Variants in HIGD1B observed in about 807,000 individuals in gnomAD.
HIGD1B encodes HIG1 domain family member 1B.
In HIGD1B, 9 loss-of-function variants were observed where a neutral mutation model predicts 8.8. The ratio of observed to expected loss-of-function variants is 1.02; its 90% CI spans 0.62 to 1.78. The LOEUF (loss-of-function observed/expected upper bound fraction) is 1.78. Among genes scored for constraint, HIGD1B ranks in the 40% most tolerant of loss-of-function variants. The pLI, the probability that HIGD1B is intolerant of heterozygous loss-of-function variation, is 0.00. For missense variants in HIGD1B, 126 were observed against 111.8 expected (o/e 1.13, Z -0.57); for synonymous variants, 47 against 38.8 (o/e 1.21, Z -0.78).
chr17:44,846,289 A>T (rs1306034662), upstream of HIGD1B: 2 of 152,462 alleles, frequency 1.3e-5, no homozygotes, highest in East Asian at 3.9e-4. Flanking sequence ...CCCTGACTTC[A>T]AAGTTTTCAT....
chr17:44,849,396 G>C lies in HIGD1B; in HGVS notation c.235+8G>C. The C allele has an allele frequency of 6.2e-7, 1 of 1,613,826 alleles. No homozygotes were observed. The highest frequency in any genetic ancestry group is 8.5e-7 in the Non-Finnish European group (1 of 1,179,824). On this transcript the variant is annotated splice_region_variant and intron_variant, in intron 2 of 2. Transcript: ENST00000253410. ...TGGGTGCAATCATGCTAGGTGAGTA[G>C]CTTTGTGGGGTCGCAGAATGAGGGC... is the stretch of plus-strand genomic sequence containing the variant.
At chr17:44,849,224 T>C in intron 1 of HIGD1B, 30 bp from the exon 2 acceptor site, 1 of 1,611,918 alleles carries the variant, frequency 6.2e-7, no homozygotes, top group Non-Finnish European at 8.5e-7. Context: ...ATTGTGGCTG[T>C]GGCCCAGGGG....
upstream of HIGD1B, among the ~76,000 whole-genome samples, chr17:44,845,277 A>G (rs192040029): frequency 2.5e-4 from 37 of 150,656 alleles, no homozygotes; most frequent in East Asian, 7.2e-3. Context: ...AAAAAAAAAG[A>G]AAGAAATATA....
upstream of HIGD1B, among the ~76,000 whole-genome samples, chr17:44,845,506 C>T (rs953603795): frequency 1.3e-5 from 2 of 151,888 alleles, no homozygotes; most frequent in Admixed American, 1.3e-4. Flanking sequence ...GGTATGTGCC[C>T]GTGGTCCCAG....
At chr17:44,848,833 T>A (rs925773237) in intron 1 of HIGD1B, among the ~76,000 whole-genome samples, 1 of 152,056 alleles carries the variant, frequency 6.6e-6, no homozygotes, top group African/African-American at 2.4e-5. Flanking sequence ...TGGAGTGCAA[T>A]GGCACAGTCT....
chr17:44,849,201 G>A lies in HIGD1B; in HGVS notation c.101-53G>A, dbSNP rs375415680. On this transcript the variant is annotated intron_variant, in intron 1 of 2. Transcript: ENST00000253410. ...TGCCTGGTAAGGTATCTCTCATCAG[G>A]GGAGTGCTGTGCATTGTGGCTGTGG... The A allele has an allele frequency of 1.7e-5, 27 of 1,604,228 alleles. No individual in the cohort carries two copies. In the East Asian group the frequency reaches 5.1e-4, roughly 31 times the overall value.
chr17:44,849,758 CAAAAAAAA>C lies in HIGD1B; in HGVS notation c.235+387_235+394del, dbSNP rs61617877. 9.5e-5 allele frequency among the ~76,000 whole-genome samples: 5 copies of C among 52,554 alleles called. No homozygotes were observed. The South Asian group carries it at 4.0e-3, about 42-fold the overall frequency. 34.5% of individuals were successfully genotyped at this position (52,554 alleles called of 152,430 possible). On this transcript the variant is annotated intron_variant, in intron 2 of 2. Transcript: ENST00000253410. Reference sequence around the variant, plus strand: ...CGGGTGACAGAGTGAGACTCTGTCTCAAAAAAAAAAAAAAAAAAAAAAAAGGACTGTGA... The same window carrying C: ...CGGGTGACAGAGTGAGACTCTGTCTCAAAAAAAAAAAAAAAAGGACTGTGA...
intron 1 of HIGD1B, among the ~76,000 whole-genome samples, chr17:44,848,681 A>C (rs143745487): frequency 3.6e-5 from 2 of 54,926 alleles, no homozygotes; most frequent in African/African-American, 5.2e-5. Context: ...GGGGAGGGGC[A>C]TCACTGGTGG....
At chr17:44,847,496 C>A (rs2050335670), upstream of HIGD1B, among the ~76,000 whole-genome samples, 1 of 152,216 alleles carries the variant, frequency 6.6e-6, no homozygotes, top group African/African-American at 2.4e-5. Context: ...ATGAAGGTAG[C>A]CAGTTGGTAA....
At chr17:44,849,056 G>GT in intron 1 of HIGD1B, 198 bp from the exon 2 acceptor site, 1 of 553,196 alleles carries the variant, frequency 1.8e-6, no homozygotes, top group South Asian at 2.4e-5. Flanking sequence ...GATTACAGGC[G>GT]TGAGCCACCA....
Position 44,849,295 on chromosome 17 carries a change from C to T in HIGD1B, c.142C>T (p.Arg48Trp), listed in dbSNP as rs370827709. ...GGTGGTAGCAGCATACAGGATTTACCGGCTGAGGTCTCGTGGTTCCACCAA... is the reference window on the plus strand; with the variant it reads ...GGTGGTAGCAGCATACAGGATTTACTGGCTGAGGTCTCGTGGTTCCACCAA... ...CLVVAAYRIY[R>W]LRSRGSTKMS... The change falls in exon 2 of 3, where the codon CGG (arginine) becomes TGG (tryptophan). Residue 48 changes from arginine (R) to tryptophan (W), a missense_variant. Transcript: ENST00000253410. 40 of 1,613,904 alleles carry T rather than the reference C, an allele frequency of 2.5e-5. No individual in the cohort carries two copies. The highest frequency in any genetic ancestry group is 1.3e-4 in the East Asian group (6 of 44,888).
chr17:44,848,933 G>A (rs547602596), intron 1 of HIGD1B, among the ~76,000 whole-genome samples: 1 of 152,092 alleles, frequency 6.6e-6, no homozygotes, highest in Admixed American at 6.6e-5. Flanking sequence ...GCACCACCAC[G>A]CCCGGCTAAT....
upstream of HIGD1B, among the ~76,000 whole-genome samples, chr17:44,845,660 G>A (rs1281037533): frequency 2.0e-5 from 3 of 151,860 alleles, no homozygotes; most frequent in Non-Finnish European, 4.4e-5. Context: ...CTAGCTGGGT[G>A]TGGTGGCTCA....
chr17:44,849,473 T>C, intron 2 of HIGD1B, 85 bp downstream of exon 2: 6 of 1,527,232 alleles, frequency 3.9e-6, no homozygotes, highest in Non-Finnish European at 5.4e-6. Context: ...TTAAAAGGAC[T>C]GTGCTTGGCT....
Position 44,849,391 on chromosome 17 carries a change from G to A in HIGD1B, c.235+3G>A. On this transcript the variant is annotated splice_donor_region_variant and intron_variant, in intron 2 of 2. Transcript: ENST00000253410. ...TGCAGTGGGTGCAATCATGCTAGGT[G>A]AGTAGCTTTGTGGGGTCGCAGAATG... 6.2e-7 allele frequency: 1 copy of A among 1,614,064 alleles called. No homozygotes were observed. The highest frequency in any genetic ancestry group is 8.5e-7 in the Non-Finnish European group (1 of 1,179,972).
upstream of HIGD1B, among the ~76,000 whole-genome samples, chr17:44,845,640 A>C (rs4793162): frequency 0.66 from 100,164 of 151,668 alleles, 33,779 homozygotes; most frequent in African/African-American, 0.79. Flanking sequence ...AAAACAAAAA[A>C]CCCCAAAAAC....
Position 44,848,048 on chromosome 17 carries a change from T to C in HIGD1B, c.-105T>C. 1 of 688,974 alleles carries C rather than the reference T, an allele frequency of 1.5e-6. No homozygotes were observed. Among genetic ancestry groups the C allele is most frequent in the Non-Finnish European group, 2.6e-6 (1 of 383,048 alleles). The allele number at this position is 688,974 out of a possible 1,614,324, so 42.7% of individuals were successfully genotyped here. On this transcript the variant is annotated 5_prime_UTR_variant, in exon 1 of 3. Transcript: ENST00000253410. ...AGAGGGTCTTAGCAGGTAACCTTCC[T>C]TTCCTCTCCAGACTGAGGAATCAGA...
At chr17:44,847,259 C>T (rs573534139), upstream of HIGD1B, among the ~76,000 whole-genome samples, 1 of 151,822 alleles carries the variant, frequency 6.6e-6, no homozygotes, top group East Asian at 1.9e-4. Flanking sequence ...AGGTGAAACC[C>T]CGTCTCTACT....
chr17:44,844,939 T>C (rs1004164778), upstream of HIGD1B, among the ~76,000 whole-genome samples: 1 of 152,142 alleles, frequency 6.6e-6, no homozygotes, highest in East Asian at 1.9e-4. Flanking sequence ...ACTTACCATA[T>C]AGAATAGCTG....
Sources: gnomAD v4.1 joint callset for allele counts (sites outside exome capture counted in the v4.1 genomes callset) on GRCh38, gnomAD v4.1.1 for gene constraint, MANE v1.5 for transcripts, NCBI Gene and HGNC (gene_info 2026-07-23, HGNC 2026-07-21) for gene names.